The following QSER1 variants were observed in gnomAD, a reference collection of about 807,000 sequenced individuals.
The protein encoded by QSER1 is glutamine and serine rich 1.
A neutral mutation model predicts 158.5 loss-of-function variants in QSER1; 49 were observed. That is an observed-to-expected ratio of 0.31 (90% CI 0.25 to 0.39). The LOEUF is 0.39. Ranked by LOEUF, QSER1 falls within the 10% of genes least tolerant of loss-of-function variation. QSER1 has a pLI of 1.00. For missense variants in QSER1, 1,754 were observed against 2,010.3 expected (o/e 0.87, Z 2.44); for synonymous variants, 650 against 715.5 (o/e 0.91, Z 1.46).
chr11:32,901,116 C>T (rs796695138), intron 1 of QSER1, among the ~76,000 whole-genome samples: 79 of 152,320 alleles, frequency 5.2e-4, no homozygotes, highest in African/African-American at 1.7e-3. Context: ...GACTCCACCA[C>T]TTGCAGTATG....
At chr11:32,961,389 G>T (rs1590182779) in intron 8 of QSER1, among the ~76,000 whole-genome samples, 1 of 152,016 alleles carries the variant, frequency 6.6e-6, no homozygotes, top group Non-Finnish European at 1.5e-5. Flanking sequence ...TTATAACATT[G>T]TTCATTGGTC....
At position 32,908,931 on chromosome 11, in the gene QSER1, G is replaced by A. The variant is rs553217948; in HGVS notation, c.209+15597G>A. ...TCCCAGCACTTTGGGAGTTTGAGAC[G>A]GGCAGATCTCGTGAGGTCAGAAGTT... On this transcript the variant is annotated intron_variant, in intron 1 of 12. Coordinates refer to ENST00000650167, the MANE Select transcript of QSER1 (RefSeq NM_001076786.3). Among the ~76,000 whole-genome samples the A allele has an allele frequency of 4.6e-5, 7 of 152,234 alleles. No homozygotes were observed. In the South Asian group the frequency reaches 6.2e-4, roughly 14 times the overall value.
chr11:32,974,775 A>AT (rs1210822759), intron 11 of QSER1, among the ~76,000 whole-genome samples: 6 of 152,184 alleles, frequency 3.9e-5, no homozygotes, highest in Non-Finnish European at 7.4e-5. Flanking sequence ...AAGATAGCCA[A>AT]TTATTAGTTA....
rs745488574 is a variant in QSER1, at chr11:32,933,877, T to C, written c.2619T>C (p.Gly873=). 6.2e-7 allele frequency: 1 copy of C among 1,613,400 alleles called. No individual in the cohort carries two copies. The highest frequency in any genetic ancestry group is 1.3e-5 in the African/African-American group (1 of 74,890). ...TTCAGCAGTCAATACTGCAGGCAGGTTTAGGTCAAGTAAAGGCATCTTTAC... is the reference window on the plus strand; with the variant it reads ...TTCAGCAGTCAATACTGCAGGCAGGCTTAGGTCAAGTAAAGGCATCTTTAC... ...QILQQSILQA[G]LGQVKASLQA... The change falls in exon 4 of 13, where the codon GGT becomes GGC. Residue 873 remains glycine, a synonymous_variant. Transcript: ENST00000650167.
At chr11:32,945,471 T>G (rs879114999) in intron 4 of QSER1, among the ~76,000 whole-genome samples, 6 of 151,924 alleles carry the variant, frequency 3.9e-5, no homozygotes, top group African/African-American at 1.2e-4. Context: ...GTCTGTAAAG[T>G]ATTTTATTTC....
chr11:32,954,425 A>G (rs1852477569), intron 5 of QSER1, among the ~76,000 whole-genome samples: 1 of 152,238 alleles, frequency 6.6e-6, no homozygotes, highest in Non-Finnish European at 1.5e-5. Context: ...TAGTAATTAT[A>G]GTAGTTTTAA....
intron 4 of QSER1, among the ~76,000 whole-genome samples, chr11:32,942,539 T>C (rs1852258831): frequency 1.3e-5 from 2 of 152,048 alleles, no homozygotes; most frequent in African/African-American, 4.8e-5. Flanking sequence ...GATCAGATAG[T>C]TGTAGATGTG....
chr11:32,956,508 TAAAA>T (rs147664442), intron 7 of QSER1, among the ~76,000 whole-genome samples: 4 of 152,068 alleles, frequency 2.6e-5, no homozygotes, highest in African/African-American at 7.2e-5. Flanking sequence ...TAATTATTGA[TAAAA>T]AAACTATAAG....
intron 8 of QSER1, among the ~76,000 whole-genome samples, chr11:32,964,743 C>CGT (rs1852703475): frequency 1.4e-5 from 1 of 73,478 alleles, no homozygotes; most frequent in African/African-American, 5.4e-5. Context: ...TATATATACA[C>CGT]ACACACACAC....
At chr11:32,908,300 C>T (rs559789317) in intron 1 of QSER1, among the ~76,000 whole-genome samples, 1 of 152,308 alleles carries the variant, frequency 6.6e-6, no homozygotes, top group East Asian at 1.9e-4. Flanking sequence ...TGTAGCCAAG[C>T]ATATGCCATA....
intron 7 of QSER1, among the ~76,000 whole-genome samples, chr11:32,956,509 A>T (rs957305402): frequency 2.1e-5 from 3 of 140,144 alleles, no homozygotes; most frequent in South Asian, 2.1e-4. Context: ...AATTATTGAT[A>T]AAAAAACTAT....
intron 1 of QSER1, among the ~76,000 whole-genome samples, chr11:32,895,366 G>T (rs942046324): frequency 1.3e-5 from 2 of 151,876 alleles, no homozygotes; most frequent in Non-Finnish European, 2.9e-5. Flanking sequence ...TTAACATCTT[G>T]TATTGGGATC....
At chr11:32,941,762 G>C (rs1852241354) in intron 4 of QSER1, among the ~76,000 whole-genome samples, 1 of 152,066 alleles carries the variant, frequency 6.6e-6, no homozygotes, top group Admixed American at 6.5e-5. Context: ...TGGGATGGCT[G>C]GGTCAAATGG....
Position 32,967,460 on chromosome 11 carries a change from C to T in QSER1, c.5107+1023C>T, listed in dbSNP as rs140440366. Among the ~76,000 whole-genome samples, 382 of 151,958 alleles carry T rather than the reference C, an allele frequency of 2.5e-3. 4 individuals carry two copies. Among genetic ancestry groups the T allele is most frequent in the African/African-American group, 9.0e-3 (373 of 41,476 alleles). ...TCCATGTAACCCAAACCACCTGTAC[C>T]CCTAAAGCTATTGAAATTTTTAAAA... On this transcript the variant is annotated intron_variant, in intron 9 of 12. Transcript: ENST00000650167.
rs570487249 is a variant in QSER1 at position 32,895,334 on chromosome 11, C to T, written c.209+2000C>T. 9.2e-5 allele frequency among the ~76,000 whole-genome samples: 14 copies of T among 152,246 alleles called. No homozygotes were observed. The South Asian group carries it at 2.7e-3, about 29-fold the overall frequency. On this transcript the variant is annotated intron_variant, in intron 1 of 12. Transcript: ENST00000650167. ...AGCATAGAAAATGCAGGTTTACCCCCCTCCCCCGCCAGCCTGCTTTGTTAA... is the reference window on the plus strand; with the variant it reads ...AGCATAGAAAATGCAGGTTTACCCCTCTCCCCCGCCAGCCTGCTTTGTTAA...
At chr11:32,946,886 C>T (rs1436854466) in intron 4 of QSER1, among the ~76,000 whole-genome samples, 9 of 152,140 alleles carry the variant, frequency 5.9e-5, no homozygotes, top group Non-Finnish European at 1.2e-4. Context: ...AGCGAGACTC[C>T]GTGGGGTAGG....
chr11:32,950,070 C>G (rs1852397377), intron 4 of QSER1, among the ~76,000 whole-genome samples: 1 of 152,100 alleles, frequency 6.6e-6, no homozygotes, highest in African/African-American at 2.4e-5. Flanking sequence ...CAGCTTAGTA[C>G]AATTAAGGGG....
At chr11:32,943,789 C>G (rs1053970793) in intron 4 of QSER1, among the ~76,000 whole-genome samples, 48 of 152,104 alleles carry the variant, frequency 3.2e-4, no homozygotes, top group African/African-American at 1.0e-3. Context: ...CTATTGATTG[C>G]AATAGTTTCA....
intron 4 of QSER1, among the ~76,000 whole-genome samples, chr11:32,946,192 G>T (rs548639846): frequency 2.6e-5 from 4 of 151,530 alleles, no homozygotes; most frequent in Admixed American, 2.6e-4. Flanking sequence ...ATGTCCTCCC[G>T]TAGCTCAGAG....
Sources: allele counts gnomAD v4.1 joint callset (sites outside exome capture counted in the v4.1 genomes callset), GRCh38; gene constraint gnomAD v4.1.1; transcripts MANE v1.5; gene names NCBI Gene and HGNC (gene_info 2026-07-23, HGNC 2026-07-21).